ANO7: variants seen among roughly 807,000 people sequenced by gnomAD.
ANO7 encodes the protein anoctamin-7.
In ANO7, 114 loss-of-function variants were observed where a neutral mutation model predicts 115.8. The observed-to-expected ratio is 0.98, with a 90% CI of 0.85 to 1.15. The LOEUF (loss-of-function observed/expected upper bound fraction) is 1.15, where lower values mean the gene tolerates loss of function less well. ANO7 is among the 50% of genes most tolerant of loss of function. ANO7 has a pLI of 0.00. For synonymous variants in ANO7, 550 were observed against 498.2 expected (o/e 1.10, Z -1.38); for missense variants, 1,302 against 1,201.2 (o/e 1.08, Z -1.24).
chr2:241,235,031 TG>T, the ANO7 span: 1 of 1,497,530 alleles, frequency 6.7e-7, no homozygotes, highest in Admixed American at 1.8e-5. Flanking sequence ...GCTGGGATGC[TG>T]GGATCCTGAA....
intron 10 of ANO7, 53 bp downstream of exon 10, chr2:241,205,008 G>T: frequency 1.5e-5 from 23 of 1,543,900 alleles, no homozygotes; most frequent in Non-Finnish European, 1.9e-5. Context: ...CTCCAGATGG[G>T]TGTGGGGCGG....
chr2:241,203,250 C>T lies in ANO7; in HGVS notation c.724-83C>T. ...ACTCCCAGGCCTGTCTGCCCATGTC[C>T]CACACTGAAGCCCCTGCACCTACAA... On this transcript the variant is annotated intron_variant, in intron 8 of 24. Coordinates refer to ENST00000674324, the MANE Select transcript of ANO7 (RefSeq NM_001370694.2). The surrounding 1 kb of genome is among the most constrained non-coding windows in gnomAD (Gnocchi z 4.8). 8.4e-7 allele frequency: 1 copy of T among 1,189,350 alleles called. No individual in the cohort carries two copies. Among genetic ancestry groups the T allele is most frequent in the South Asian group, 1.7e-5 (1 of 57,874 alleles). 73.7% of individuals were successfully genotyped at this position (1,189,350 alleles called of 1,614,324 possible). A position where few individuals can be genotyped will look rare whatever the true frequency, so the allele number is the denominator to read the frequency against.
intron 7 of ANO7, among the ~76,000 whole-genome samples, chr2:241,201,884 A>G (rs1337521706): frequency 6.6e-6 from 1 of 152,206 alleles, no homozygotes. Context: ...GCAGGTCCAG[A>G]GTGGGCTGCG....
At chr2:241,195,185 C>A (rs866749212) in intron 3 of ANO7, among the ~76,000 whole-genome samples, 1 of 152,182 alleles carries the variant, frequency 6.6e-6, no homozygotes, top group African/African-American at 2.4e-5. Flanking sequence ...TATTGCCCTC[C>A]CTGTCGTTTG....
the ANO7 span, chr2:241,238,888 C>T: frequency 6.3e-6 from 6 of 958,150 alleles, no homozygotes; most frequent in Non-Finnish European, 5.9e-6. The surrounding 1 kb of genome is among the most constrained non-coding windows in gnomAD (Gnocchi z 4.9). Flanking sequence ...CTGTCCTCTA[C>T]AGCCACTTGG....
In ANO7 at chr2:241,217,748, C is replaced by T. The variant is rs745962193; in HGVS notation, c.2035C>T (p.Leu679=). The T allele has an allele frequency of 6.2e-7, 1 of 1,607,132 alleles. No individual in the cohort carries two copies. Among genetic ancestry groups the T allele is most frequent in the South Asian group, 1.1e-5 (1 of 90,024 alleles). ...CTGTCCGCTCGCGCCGCTCTTCGCC[C>T]TGCTCAACAACTGGGTGGAGATCCG... ...AACPLAPLFA[L]LNNWVEIRLD... Residue 679 remains leucine, a synonymous_variant, in exon 20 of 25, where the codon CTG becomes TTG. Transcript: ENST00000674324.
intron 3 of ANO7, among the ~76,000 whole-genome samples, chr2:241,193,155 C>G (rs1274400179): frequency 3.9e-5 from 6 of 152,064 alleles, no homozygotes; most frequent in Non-Finnish European, 8.8e-5. Context: ...TCACTGCAAC[C>G]TCTGCCTCCC....
chr2:241,201,954 C>T (rs2068482745), intron 7 of ANO7, among the ~76,000 whole-genome samples: 1 of 152,252 alleles, frequency 6.6e-6, no homozygotes, highest in African/African-American at 2.4e-5. Context: ...CCGTGTGGCT[C>T]TGGTCAAGGA....
the ANO7 span, chr2:241,239,675 T>G: frequency 6.2e-7 from 1 of 1,614,198 alleles, no homozygotes; most frequent in Admixed American, 1.7e-5. This position sits in a 1 kb window ranked among gnomAD's most constrained non-coding sequence, Gnocchi z 4.6. Flanking sequence ...GAGGGTGACT[T>G]TGTCGCTCTG....
At chr2:241,231,862 A>G in the ANO7 span, among the ~76,000 whole-genome samples, 4 of 151,876 alleles carry the variant, frequency 2.6e-5, no homozygotes, top group Non-Finnish European at 5.9e-5. Flanking sequence ...ACAACACAAA[A>G]ACCACCATGC....
the ANO7 span, among the ~76,000 whole-genome samples, chr2:241,239,325 T>C: frequency 1.3e-5 from 2 of 152,068 alleles, no homozygotes; most frequent in African/African-American, 4.8e-5. The surrounding 1 kb of genome is among the most constrained non-coding windows in gnomAD (Gnocchi z 4.6). Flanking sequence ...TTTCTTTCTC[T>C]TGCTTTCTTT....
At chr2:241,196,107 T>C (rs1348824895) in intron 4 of ANO7, 2 of 1,389,984 alleles carry the variant, frequency 1.4e-6, no homozygotes, top group Non-Finnish European at 1.9e-6. Flanking sequence ...CTGAAAACTC[T>C]GACACTACCT....
chr2:241,229,626 G>T, downstream of ANO7: 1 of 1,613,972 alleles, frequency 6.2e-7, no homozygotes, highest in Non-Finnish European at 8.5e-7. Flanking sequence ...CCAAGGGAGG[G>T]TCTTGGGAGC....
At position 241,200,133 on chromosome 2, in the gene ANO7, A is replaced by C. The variant is rs753718554; in HGVS notation, c.462A>C (p.Ala154=). ...CCAACTGGTCGGCCGGCCTGCTGGC[A>C]TGGCTGGGCATCCCCAACGTCCTGC... ...QASNWSAGLL[A]WLGIPNVLLE... The change falls in exon 6 of 25, where the codon GCA becomes GCC. Residue 154 remains alanine, a synonymous_variant. Coordinates refer to ENST00000674324, the MANE Select transcript of ANO7 (RefSeq NM_001370694.2). 1 of 1,613,056 alleles carries C rather than the reference A, an allele frequency of 6.2e-7. No individual in the cohort carries two copies. Among genetic ancestry groups the C allele is most frequent in the African/African-American group, 1.3e-5 (1 of 74,910 alleles).
intron 1 of ANO7, among the ~76,000 whole-genome samples, chr2:241,189,067 TGAG>T (rs1236503689): frequency 6.6e-6 from 1 of 152,126 alleles, no homozygotes; most frequent in Non-Finnish European, 1.5e-5. Flanking sequence ...CAGAGAGCTC[TGAG>T]GAGGGGCCCG....
chr2:241,216,365 T>C (rs1390139164), intron 19 of ANO7, 127 bp downstream of exon 19: 2 of 1,233,072 alleles, frequency 1.6e-6, no homozygotes, highest in Admixed American at 3.1e-5. Context: ...GCTGTGGGGG[T>C]GGGGTGGGAA....
chr2:241,226,157 C>A (rs376404290), downstream of ANO7, among the ~76,000 whole-genome samples: 2 of 151,908 alleles, frequency 1.3e-5, no homozygotes, highest in Admixed American at 6.6e-5. Flanking sequence ...GCCCTGATGC[C>A]CACATGCGCC....
chr2:241,192,611 G>A (rs1160670404), intron 3 of ANO7, among the ~76,000 whole-genome samples: 1 of 152,148 alleles, frequency 6.6e-6, no homozygotes, highest in Non-Finnish European at 1.5e-5. Flanking sequence ...ACTGTGGGGT[G>A]GGGCTTTGAC....
At chr2:241,229,784 G>GGCC, downstream of ANO7, 1 of 1,502,540 alleles carries the variant, frequency 6.7e-7, no homozygotes, top group Non-Finnish European at 9.1e-7. Context: ...AAGCCCGCCT[G>GGCC]CCCGCCCACC....
Sources: allele counts gnomAD v4.1 joint callset (sites outside exome capture counted in the v4.1 genomes callset), GRCh38; gene constraint gnomAD v4.1.1; non-coding constraint Gnocchi (gnomAD v3.1); transcripts MANE v1.5; gene names NCBI Gene and HGNC (gene_info 2026-07-23, HGNC 2026-07-21).